The following DNAH11 variants were observed in gnomAD, a reference collection of about 807,000 sequenced individuals.
DNAH11 encodes the protein axonemal beta dynein heavy chain 11.
Under a neutral mutation model 526.0 loss-of-function variants are expected in DNAH11, and 442 were observed. The ratio of observed to expected loss-of-function variants is 0.84; its 90% confidence interval spans 0.78 to 0.91. DNAH11 has a LOEUF of 0.91. Among genes scored for constraint, DNAH11 ranks in the 40% least tolerant of loss-of-function variants. The pLI is 0.00. For missense variants in DNAH11, 6,989 were observed against 5,448.7 expected, an observed-to-expected ratio of 1.28 and a Z score of -8.90; for synonymous variants, 2,461 against 1,935.9, an observed-to-expected ratio of 1.27 and a Z score of -7.12.
At chr7:21,871,264 C>A (rs558630184) in intron 73 of DNAH11, among the ~76,000 whole-genome samples, 1 of 152,138 alleles carries the variant, frequency 6.6e-6, no homozygotes, top group Non-Finnish European at 1.5e-5. Context: ...TATTAAAAAC[C>A]ATTTTTCAAG....
chr7:21,899,107 GT>G (rs1340848861), intron 79 of DNAH11, among the ~76,000 whole-genome samples: 1 of 152,184 alleles, frequency 6.6e-6, no homozygotes, highest in African/African-American at 2.4e-5. Context: ...ACATTCCTCA[GT>G]GTATCTTGCT....
At chr7:21,820,454 A>G (rs959761288) in intron 65 of DNAH11, among the ~76,000 whole-genome samples, 8 of 152,238 alleles carry the variant, frequency 5.3e-5, no homozygotes, top group African/African-American at 1.4e-4. Flanking sequence ...TCAAAAGTTA[A>G]GTAGGTATTT....
At chr7:21,585,477 C>G (rs950694496) in intron 9 of DNAH11, among the ~76,000 whole-genome samples, 1 of 152,112 alleles carries the variant, frequency 6.6e-6, no homozygotes, top group Non-Finnish European at 1.5e-5. Context: ...CCAGTACCTG[C>G]TATTGTCACA....
chr7:21,551,999 C>T (rs1448562414), intron 2 of DNAH11, among the ~76,000 whole-genome samples: 1 of 152,180 alleles, frequency 6.6e-6, no homozygotes, highest in Non-Finnish European at 1.5e-5. Context: ...GGTTAGCTTT[C>T]CACTCTCCTA....
At chr7:21,801,708 G>A (rs930261406) in intron 62 of DNAH11, among the ~76,000 whole-genome samples, 6 of 152,152 alleles carry the variant, frequency 3.9e-5, no homozygotes, top group Non-Finnish European at 8.8e-5. Context: ...CAGGATGGCT[G>A]CTAGATAATT....
chr7:21,888,575 C>T (rs1442466262), intron 76 of DNAH11, among the ~76,000 whole-genome samples: 7 of 151,168 alleles, frequency 4.6e-5, no homozygotes, highest in African/African-American at 1.5e-4. Context: ...CTGCAACCTC[C>T]ACCTTCCAGA....
intron 66 of DNAH11, among the ~76,000 whole-genome samples, chr7:21,848,390 G>C (rs1782501354): frequency 6.7e-6 from 1 of 150,146 alleles, no homozygotes; most frequent in Non-Finnish European, 1.5e-5. Flanking sequence ...GGGTTTTATA[G>C]ACAGATAGGT....
At chr7:21,743,310 A>G (rs1246644159) in intron 49 of DNAH11, among the ~76,000 whole-genome samples, 1 of 152,228 alleles carries the variant, frequency 6.6e-6, no homozygotes, top group Non-Finnish European at 1.5e-5. Context: ...GAGAAATAGC[A>G]ACTTTTAAAT....
chr7:21,614,986 CT>C (rs1785697515), intron 20 of DNAH11, 127 bp from the exon 21 acceptor site: 2 of 1,117,388 alleles, frequency 1.8e-6, no homozygotes, highest in Admixed American at 6.2e-5. Context: ...AGTAATTACG[CT>C]GCAGATTTAT....
At chr7:21,596,804 C>G (rs1784879153) in intron 14 of DNAH11, among the ~76,000 whole-genome samples, 1 of 152,192 alleles carries the variant, frequency 6.6e-6, no homozygotes, top group Non-Finnish European at 1.5e-5. Context: ...GCTTTGAAAT[C>G]ACTGTTCTCA....
intron 53 of DNAH11, 124 bp downstream of exon 53, chr7:21,749,925 C>G: frequency 7.0e-7 from 1 of 1,423,618 alleles, no homozygotes; most frequent in Non-Finnish European, 9.5e-7. Flanking sequence ...TGGGGAGAAA[C>G]CTATAAACCT....
chr7:21,805,402 G>T (rs7788469), intron 62 of DNAH11, among the ~76,000 whole-genome samples: 102 of 151,884 alleles, frequency 6.7e-4, no homozygotes, highest in African/African-American at 2.4e-3. Context: ...CATGTCATAG[G>T]CATCACTAGA....
At chr7:21,681,700 A>G (rs556397075) in intron 31 of DNAH11, 23 bp downstream of exon 31, 1 of 1,613,460 alleles carries the variant, frequency 6.2e-7, no homozygotes, top group African/African-American at 1.3e-5. Flanking sequence ...TAGAAATTTT[A>G]TGTATTCATT....
chr7:21,788,518 A>T (rs1019884716), intron 60 of DNAH11, among the ~76,000 whole-genome samples: 1 of 152,030 alleles, frequency 6.6e-6, no homozygotes, highest in Non-Finnish European at 1.5e-5. Flanking sequence ...CTGTGGCTGC[A>T]TTCTGTGTTT....
intron 8 of DNAH11, among the ~76,000 whole-genome samples, chr7:21,574,776 G>C (rs1368979926): frequency 6.6e-6 from 1 of 150,680 alleles, no homozygotes; most frequent in African/African-American, 2.4e-5. Flanking sequence ...ATGTTGGCCG[G>C]GTTGGTCTCA....
At chr7:21,787,960 A>G (rs889172538) in intron 60 of DNAH11, among the ~76,000 whole-genome samples, 1 of 152,202 alleles carries the variant, frequency 6.6e-6, no homozygotes, top group Non-Finnish European at 1.5e-5. Flanking sequence ...AAATATTCAC[A>G]CCATCTGTAT....
intron 30 of DNAH11, among the ~76,000 whole-genome samples, chr7:21,665,469 C>T (rs1198113646): frequency 7.2e-5 from 11 of 152,194 alleles, no homozygotes; most frequent in African/African-American, 2.4e-4. Context: ...CAAGATAGTG[C>T]CAAATTTACC....
intron 25 of DNAH11, among the ~76,000 whole-genome samples, chr7:21,622,929 C>T (rs902332503): frequency 5.9e-5 from 9 of 152,096 alleles, no homozygotes; most frequent in Non-Finnish European, 8.8e-5. Flanking sequence ...ATGTCTAAAA[C>T]ACCAAAAGCA....
At chr7:21,700,157 A>G (rs542399729) in intron 36 of DNAH11, among the ~76,000 whole-genome samples, 1 of 152,362 alleles carries the variant, frequency 6.6e-6, no homozygotes, top group East Asian at 1.9e-4. Flanking sequence ...GATAAGGGCA[A>G]GATTTGACTT....
Sources: gnomAD v4.1 joint callset for allele counts (sites outside exome capture counted in the v4.1 genomes callset) on GRCh38, gnomAD v4.1.1 for gene constraint, MANE v1.5 for transcripts, NCBI Gene and HGNC (gene_info 2026-07-23, HGNC 2026-07-21) for gene names.